Variants in ROBO1 observed in about 807,000 individuals in gnomAD.
ROBO1 encodes the protein roundabout guidance receptor 1.
ROBO1 carries 149 observed loss-of-function variants against 195.9 expected under a neutral mutation model. That is an observed-to-expected ratio of 0.76 (90% CI 0.67 to 0.87). ROBO1 has a LOEUF of 0.87. ROBO1 is among the 40% of genes least tolerant of loss of function. ROBO1 has a pLI of 0.00. For synonymous variants in ROBO1, 816 were observed against 733.2 expected (o/e 1.11, Z -1.82); for missense variants, 1,933 against 2,068.3 (o/e 0.93, Z 1.27).
intron 4 of ROBO1, among the ~76,000 whole-genome samples, chr3:78,754,331 AG>A (rs1398407021): frequency 6.6e-6 from 1 of 152,206 alleles, no homozygotes. Flanking sequence ...ACTCAGGAGT[AG>A]CCTGGCAGGG....
intron 2 of ROBO1, among the ~76,000 whole-genome samples, chr3:79,445,825 C>A (rs147898939): frequency 2.0e-5 from 3 of 152,180 alleles, no homozygotes; most frequent in Non-Finnish European, 4.4e-5. Flanking sequence ...CTACGCCCGG[C>A]TAATTTTTAG....
chr3:78,950,557 T>A (rs143786126), intron 3 of ROBO1, among the ~76,000 whole-genome samples: 2,628 of 149,614 alleles, frequency 0.018, 74 homozygotes, highest in African/African-American at 0.062. Flanking sequence ...GATATACCTA[T>A]TGCTAAATGA....
chr3:79,754,909 T>G (rs1704307624), intron 1 of ROBO1, among the ~76,000 whole-genome samples: 2 of 152,216 alleles, frequency 1.3e-5, no homozygotes, highest in South Asian at 4.1e-4. Context: ...AGATGGAGTT[T>G]CACTCTTGTT....
At chr3:78,850,291 T>C (rs1470157522) in intron 4 of ROBO1, among the ~76,000 whole-genome samples, 1 of 152,188 alleles carries the variant, frequency 6.6e-6, no homozygotes, top group African/African-American at 2.4e-5. Flanking sequence ...TTAATAAGCT[T>C]TATTTCAGAG....
intron 2 of ROBO1, among the ~76,000 whole-genome samples, chr3:79,125,934 T>C (rs1333217916): frequency 2.0e-5 from 3 of 152,040 alleles, no homozygotes; most frequent in Admixed American, 2.0e-4. Context: ...ATCAAAGCTA[T>C]TGACTGTGAT....
intron 29 of ROBO1, among the ~76,000 whole-genome samples, chr3:78,604,818 G>A (rs1356362477): frequency 6.6e-6 from 1 of 152,174 alleles, no homozygotes; most frequent in African/African-American, 2.4e-5. Context: ...AAGTGCCCCT[G>A]TAGGTTTTTA....
At chr3:78,799,632 C>G (rs369564) in intron 4 of ROBO1, among the ~76,000 whole-genome samples, 2 of 152,094 alleles carry the variant, frequency 1.3e-5, no homozygotes, top group Non-Finnish European at 2.9e-5. Flanking sequence ...TGAGCCACCG[C>G]GCCCGGCCCT....
At chr3:78,809,743 G>GCAGCC (rs1287990167) in intron 4 of ROBO1, among the ~76,000 whole-genome samples, 1 of 151,996 alleles carries the variant, frequency 6.6e-6, no homozygotes, top group Admixed American at 6.6e-5. Context: ...CACAGAAACA[G>GCAGCC]AAAACCAAAC....
At chr3:79,630,164 A>T (rs1362886916) in intron 1 of ROBO1, among the ~76,000 whole-genome samples, 1 of 151,984 alleles carries the variant, frequency 6.6e-6, no homozygotes, top group African/African-American at 2.4e-5. Context: ...TCGTCCTCAA[A>T]CCAAAACCAA....
intron 3 of ROBO1, among the ~76,000 whole-genome samples, chr3:79,066,332 A>G (rs1034977169): frequency 5.3e-5 from 8 of 151,852 alleles, no homozygotes; most frequent in Admixed American, 4.6e-4. Flanking sequence ...GGCTGGCTAC[A>G]TGCTATTTCT....
At chr3:79,567,577 G>T (rs1943130947) in intron 2 of ROBO1, among the ~76,000 whole-genome samples, 1 of 152,000 alleles carries the variant, frequency 6.6e-6, no homozygotes, top group East Asian at 1.9e-4. Context: ...TCATTCAAAA[G>T]GTTCCAGCCA....
chr3:79,544,852 G>A (rs1400426203), intron 2 of ROBO1, among the ~76,000 whole-genome samples: 1 of 152,034 alleles, frequency 6.6e-6, no homozygotes, highest in Non-Finnish European at 1.5e-5. Context: ...CTTGGAAATT[G>A]TATTGTTATT....
At chr3:79,092,167 G>C (rs1480310139) in intron 3 of ROBO1, among the ~76,000 whole-genome samples, 1 of 152,184 alleles carries the variant, frequency 6.6e-6, no homozygotes, top group Non-Finnish European at 1.5e-5. Context: ...TTTGAAGGTA[G>C]AGCCAACAGG....
rs950290657 is a variant in ROBO1 at position 79,122,740 on chromosome 3, G to GA, written c.172+2715dup. ...TGGAAATTATACTGTTTTTAGTATTGAAAAAAAGGATAATTAGGGGAATGT... is the reference window on the plus strand; with the variant it reads ...TGGAAATTATACTGTTTTTAGTATTGAAAAAAAAGGATAATTAGGGGAATGT... On this transcript the variant is annotated intron_variant, in intron 3 of 30. Transcript: ENST00000464233. 4.6e-5 allele frequency among the ~76,000 whole-genome samples: 7 copies of GA among 151,846 alleles called. No homozygotes were observed. The East Asian group carries it at 5.8e-4, about 13-fold the overall frequency.
intron 23 of ROBO1, 89 bp downstream of exon 23, chr3:78,635,684 C>T (rs898841387): frequency 3.5e-6 from 4 of 1,144,694 alleles, no homozygotes; most frequent in East Asian, 2.4e-5. Context: ...AAAGATTTTA[C>T]TTGCTAGTCG....
At chr3:79,331,826 G>T (rs2034451106) in intron 2 of ROBO1, among the ~76,000 whole-genome samples, 2 of 152,160 alleles carry the variant, frequency 1.3e-5, no homozygotes. Context: ...TAATAAAAGA[G>T]CATAATTTTC....
chr3:78,722,636 A>G (rs902816924), intron 5 of ROBO1, among the ~76,000 whole-genome samples: 5 of 152,210 alleles, frequency 3.3e-5, no homozygotes, highest in Non-Finnish European at 7.4e-5. Flanking sequence ...TTCTTTACCA[A>G]GATTACCTAG....
intron 1 of ROBO1, among the ~76,000 whole-genome samples, chr3:79,629,508 G>A (rs759648275): frequency 6.6e-6 from 1 of 151,874 alleles, no homozygotes; most frequent in African/African-American, 2.4e-5. Flanking sequence ...TAAGAGGAGG[G>A]TTTATAGCAT....
intron 2 of ROBO1, among the ~76,000 whole-genome samples, chr3:79,241,163 C>T (rs1048608840): frequency 9.2e-5 from 14 of 152,228 alleles, no homozygotes; most frequent in Admixed American, 3.9e-4. Context: ...ATCAAAATCA[C>T]CCTCTAAGGA....
Sources: allele counts gnomAD v4.1 joint callset (sites outside exome capture counted in the v4.1 genomes callset), GRCh38; gene constraint gnomAD v4.1.1; transcripts MANE v1.5; gene names NCBI Gene and HGNC (gene_info 2026-07-23, HGNC 2026-07-21).